MAGI2: variants seen among roughly 807,000 people sequenced by gnomAD.
MAGI2 encodes the protein membrane-associated guanylate kinase, WW and PDZ domain-containing protein 2.
A neutral mutation model predicts 133.3 loss-of-function variants in MAGI2; 35 were observed. The ratio of observed to expected loss-of-function variants is 0.26; its 90% CI spans 0.20 to 0.35. The LOEUF (loss-of-function observed/expected upper bound fraction) is 0.35, where lower values mean the gene tolerates loss of function less well. Ranked by LOEUF, MAGI2 falls within the 10% of genes least tolerant of loss-of-function variation. The pLI is 1.00. For synonymous variants in MAGI2, 729 were observed against 710.6 expected, an observed-to-expected ratio of 1.03 and a Z score of -0.41; for missense variants, 1,636 against 1,863.4, an observed-to-expected ratio of 0.88 and a Z score of 2.25.
chr7:79,149,863 T>C (rs1215077536), intron 1 of MAGI2, among the ~76,000 whole-genome samples: 1 of 152,204 alleles, frequency 6.6e-6, no homozygotes, highest in Non-Finnish European at 1.5e-5. Context: ...CTCAAATTTT[T>C]TAAAAATGGC....
At chr7:79,334,061 C>T (rs186458829) in intron 1 of MAGI2, among the ~76,000 whole-genome samples, 2 of 152,096 alleles carry the variant, frequency 1.3e-5, no homozygotes, top group African/African-American at 2.4e-5. Flanking sequence ...GCAACCCATC[C>T]GTGTCATCTC....
chr7:78,679,550 A>T (rs1585062792), intron 2 of MAGI2, among the ~76,000 whole-genome samples: 3 of 152,208 alleles, frequency 2.0e-5, no homozygotes, highest in Non-Finnish European at 2.9e-5. Flanking sequence ...ATAGTGACAC[A>T]TATGTACTGT....
chr7:79,074,920 T>C (rs1815329873), intron 1 of MAGI2, among the ~76,000 whole-genome samples: 1 of 152,242 alleles, frequency 6.6e-6, no homozygotes, highest in Non-Finnish European at 1.5e-5. Flanking sequence ...ACAAGAACTC[T>C]GAAGGTTGGT....
At chr7:78,804,668 G>T (rs1268663202) in intron 2 of MAGI2, among the ~76,000 whole-genome samples, 1 of 149,006 alleles carries the variant, frequency 6.7e-6, no homozygotes, top group African/African-American at 2.5e-5. Context: ...AGAATGGTGT[G>T]AACCCAGGAG....
At chr7:78,994,454 C>T (rs1346187649) in intron 2 of MAGI2, among the ~76,000 whole-genome samples, 1 of 152,022 alleles carries the variant, frequency 6.6e-6, no homozygotes, top group African/African-American at 2.4e-5. Context: ...TTATTTAACC[C>T]ACTACCATTT....
At chr7:79,272,766 A>G (rs1834967523) in intron 1 of MAGI2, among the ~76,000 whole-genome samples, 1 of 152,086 alleles carries the variant, frequency 6.6e-6, no homozygotes, top group African/African-American at 2.4e-5. Context: ...CTTAAACAAA[A>G]CATAGAGTTT....
At chr7:78,279,069 C>T (rs1374712652) in intron 9 of MAGI2, among the ~76,000 whole-genome samples, 1 of 152,148 alleles carries the variant, frequency 6.6e-6, no homozygotes, top group Non-Finnish European at 1.5e-5. Context: ...AGGATTTTAA[C>T]ATATCAGAAC....
intron 3 of MAGI2, among the ~76,000 whole-genome samples, chr7:78,626,857 T>C (rs533429815): frequency 7.8e-6 from 1 of 128,380 alleles, no homozygotes; most frequent in African/African-American, 2.8e-5. Context: ...TGTGTGTGTG[T>C]GTGTATAAAA....
At chr7:78,410,814 T>C (rs532409154) in intron 6 of MAGI2, among the ~76,000 whole-genome samples, 2 of 151,958 alleles carry the variant, frequency 1.3e-5, no homozygotes, top group Admixed American at 6.6e-5. Flanking sequence ...GACTAGACAG[T>C]AGTCAGTCAA....
chr7:78,207,787 C>T (rs1325826526), intron 10 of MAGI2, among the ~76,000 whole-genome samples: 1 of 152,164 alleles, frequency 6.6e-6, no homozygotes, highest in African/African-American at 2.4e-5. Context: ...CATCACATCA[C>T]CATGTGTTAG....
intron 3 of MAGI2, among the ~76,000 whole-genome samples, chr7:78,545,082 G>T (rs1425182411): frequency 6.6e-6 from 1 of 151,584 alleles, no homozygotes; most frequent in Non-Finnish European, 1.5e-5. Flanking sequence ...TAGAGGGCAG[G>T]TATCCAAGCT....
chr7:78,438,546 T>G (rs998645754), intron 6 of MAGI2, among the ~76,000 whole-genome samples: 1 of 152,190 alleles, frequency 6.6e-6, no homozygotes, highest in African/African-American at 2.4e-5. Context: ...GGTTCCTTTA[T>G]GAGCGTGCTG....
At chr7:78,868,217 T>A (rs1584218631) in intron 2 of MAGI2, among the ~76,000 whole-genome samples, 1 of 152,310 alleles carries the variant, frequency 6.6e-6, no homozygotes, top group Middle Eastern at 3.4e-3. Flanking sequence ...GAGTAAACCT[T>A]AACAATAGTC....
rs892163524 is a variant in MAGI2, at chr7:78,498,606, T to C, written c.965+2971A>G. On this transcript the variant is annotated intron_variant, in intron 5 of 21. Transcript: ENST00000354212. Reference sequence around the variant, plus strand: ...GGCAGAGAGAGAGGAAACTGCAACGTTGTTGGTGGTGATGGTATGGACATG... The same window carrying C: ...GGCAGAGAGAGAGGAAACTGCAACGCTGTTGGTGGTGATGGTATGGACATG... Among the ~76,000 whole-genome samples the C allele has an allele frequency of 2.2e-4, 33 of 152,088 alleles. 1 individual carries two copies. The highest frequency in any genetic ancestry group is 6.0e-4 in the African/African-American group (25 of 41,420).
At chr7:78,192,036 G>A (rs1828262701) in intron 12 of MAGI2, among the ~76,000 whole-genome samples, 1 of 152,192 alleles carries the variant, frequency 6.6e-6, no homozygotes, top group South Asian at 2.1e-4. Flanking sequence ...GCTTGTGGGT[G>A]GAGGGGCGTC....
At chr7:78,339,835 G>A (rs1355113473) in intron 9 of MAGI2, among the ~76,000 whole-genome samples, 1 of 152,190 alleles carries the variant, frequency 6.6e-6, no homozygotes, top group Admixed American at 6.5e-5. Flanking sequence ...TGGAAACGTG[G>A]TGAGTTAGTT....
At chr7:79,064,557 TA>T (rs1197846230) in intron 1 of MAGI2, among the ~76,000 whole-genome samples, 1 of 152,130 alleles carries the variant, frequency 6.6e-6, no homozygotes, top group Non-Finnish European at 1.5e-5. Context: ...TTCAATATTT[TA>T]AAAACTTCCA....
At chr7:78,794,328 A>G (rs1787419123) in intron 2 of MAGI2, among the ~76,000 whole-genome samples, 1 of 152,154 alleles carries the variant, frequency 6.6e-6, no homozygotes, top group Non-Finnish European at 1.5e-5. Context: ...CTCTAACTGA[A>G]ATGGGGGAGC....
At chr7:79,157,844 T>C (rs111788377) in intron 1 of MAGI2, among the ~76,000 whole-genome samples, 2,187 of 140,348 alleles carry the variant, frequency 0.016, 67 homozygotes, top group African/African-American at 0.053. Flanking sequence ...TGTGTGTATC[T>C]AACAAGTTTT....
Sources: gnomAD v4.1 joint callset for allele counts (sites outside exome capture counted in the v4.1 genomes callset) on GRCh38, gnomAD v4.1.1 for gene constraint, MANE v1.5 for transcripts, NCBI Gene and HGNC (gene_info 2026-07-23, HGNC 2026-07-21) for gene names.